RYR3: variants seen among roughly 807,000 people sequenced by gnomAD.
The protein encoded by RYR3 is ryanodine receptor 3.
Under a neutral mutation model 584.3 loss-of-function variants are expected in RYR3, and 207 were observed. The observed-to-expected ratio is 0.35, with a 90% CI of 0.32 to 0.40. The LOEUF (loss-of-function observed/expected upper bound fraction) is 0.40. Ranked by LOEUF, RYR3 falls within the 10% of genes least tolerant of loss-of-function variation. The pLI is 1.00. For synonymous variants in RYR3, 2,416 were observed against 2,248.5 expected, an observed-to-expected ratio of 1.07 and a Z score of -2.11; for missense variants, 5,616 against 6,089.2, an observed-to-expected ratio of 0.92 and a Z score of 2.59.
intron 20 of RYR3, among the ~76,000 whole-genome samples, chr15:33,627,123 G>T (rs2061032159): frequency 6.6e-6 from 1 of 152,178 alleles, no homozygotes; most frequent in South Asian, 2.1e-4. Flanking sequence ...AGGTCCTCCT[G>T]AAATGGATGG....
At chr15:33,789,655 TATA>T (rs1416629736) in intron 67 of RYR3, among the ~76,000 whole-genome samples, 5 of 26,954 alleles carry the variant, frequency 1.9e-4, no homozygotes, top group Non-Finnish European at 2.8e-4. Flanking sequence ...TATATATATA[TATA>T]TTTTTTTTTT....
chr15:33,719,400 A>G (rs1321610199), intron 43 of RYR3, among the ~76,000 whole-genome samples: 5 of 152,230 alleles, frequency 3.3e-5, no homozygotes, highest in East Asian at 3.8e-4. Flanking sequence ...CGTGATGCCA[A>G]TCACTGTGGG....
intron 67 of RYR3, among the ~76,000 whole-genome samples, chr15:33,799,959 A>G (rs924577088): frequency 6.6e-6 from 1 of 152,114 alleles, no homozygotes; most frequent in African/African-American, 2.4e-5. Flanking sequence ...TAGTTACTCT[A>G]TGTAGACATT....
chr15:33,316,839 T>C (rs183626168), intron 1 of RYR3, among the ~76,000 whole-genome samples: 344 of 152,356 alleles, frequency 2.3e-3, no homozygotes, highest in African/African-American at 7.9e-3. Context: ...GTTGCCGCCA[T>C]CTCTAACATG....
At position 33,550,151 on chromosome 15, in the gene RYR3, T is replaced by C. The variant is rs1342047513; in HGVS notation, c.816-9T>C. The stretch of plus-strand genomic sequence containing the variant: ...TAAATGCAATTTCTTGTCTGTTTCA[T>C]CTGCCCAGCTGGAGTGGCAGTAACA... On this transcript the variant is annotated splice_polypyrimidine_tract_variant and intron_variant, in intron 9 of 103. Transcript: ENST00000634891. 1 of 1,608,754 alleles carries C rather than the reference T, an allele frequency of 6.2e-7. No individual in the cohort carries two copies. Among genetic ancestry groups the C allele is most frequent in the South Asian group, 1.1e-5 (1 of 89,720 alleles).
At chr15:33,701,364 G>C (rs113033879) in intron 42 of RYR3, among the ~76,000 whole-genome samples, 2,852 of 152,240 alleles carry the variant, frequency 0.019, 81 homozygotes, top group African/African-American at 0.065. Context: ...ACCAGATGCC[G>C]GTGGTTCCTA....
chr15:33,803,280 T>C (rs924659453), intron 69 of RYR3, among the ~76,000 whole-genome samples: 2 of 152,224 alleles, frequency 1.3e-5, no homozygotes, highest in African/African-American at 4.8e-5. Flanking sequence ...GCTGCAAAGG[T>C]ATCCTTTGTG....
chr15:33,541,873 T>C (rs2055849813), intron 7 of RYR3, among the ~76,000 whole-genome samples: 1 of 152,182 alleles, frequency 6.6e-6, no homozygotes, highest in Admixed American at 6.5e-5. Context: ...CTCCTGGGTC[T>C]ATTGTCAGTC....
chr15:33,629,691 G>A (rs11853673), intron 21 of RYR3, among the ~76,000 whole-genome samples: 20,482 of 152,108 alleles, frequency 0.13, 1,789 homozygotes, highest in East Asian at 0.42. Context: ...TGCTTCTTTC[G>A]GAAAGTATGT....
At chr15:33,692,852 T>C (rs1422647916) in intron 38 of RYR3, among the ~76,000 whole-genome samples, 1 of 152,200 alleles carries the variant, frequency 6.6e-6, no homozygotes. Context: ...TGAGTCAGTG[T>C]GAGGCTAAGA....
Position 33,697,884 on chromosome 15 carries a change from A to T in RYR3, c.6137A>T (p.Asp2046Val), listed in dbSNP as rs752159940. ...ACTCTCTCTGATCCTTATCCTAGAG[A>T]CATAATGAACAACAAGGTGTTTTAC... The part of the protein sequence containing the change: ...EELLMINGLG[D>V]IMNNKVFYQH... The change falls in exon 40 of 104, where the codon GAC (aspartate) becomes GTC (valine). Residue 2046 changes from aspartate to valine, a missense_variant and splice_region_variant. By Grantham distance (152) the Asp-to-Val change is radical. Coordinates refer to ENST00000634891, the MANE Select transcript of RYR3 (RefSeq NM_001036.6). 18 of 1,595,696 alleles carry T rather than the reference A, an allele frequency of 1.1e-5. No individual in the cohort carries two copies. The South Asian group carries it at 2.0e-4, about 18-fold the overall frequency.
chr15:33,467,433 C>T, intron 1 of RYR3: 1 of 976,984 alleles, frequency 1.0e-6, no homozygotes, highest in Non-Finnish European at 1.2e-6. Flanking sequence ...CAGCCATCAG[C>T]TCAGAGCCAG....
rs781281296 is a variant in RYR3, at chr15:33,601,542, G to A, written c.1912G>A (p.Asp638Asn). ...NLLLQTRLINDVTSIRPNIFL... is the reference protein window; with the variant it reads ...NLLLQTRLINNVTSIRPNIFL... ...ACTCCTGCAGACACGACTGATTAACGATGTAACCAGGTAAGGCCACCACCA... is the reference window on the plus strand; with the variant it reads ...ACTCCTGCAGACACGACTGATTAACAATGTAACCAGGTAAGGCCACCACCA... Residue 638 changes from aspartate (D) to asparagine (N), a missense_variant, in exon 17 of 104, where the codon GAT becomes AAT. By Grantham distance (23) the Asp-to-Asn change is conservative. This residue lies in a region of RYR3 where 1,284 missense variants were observed against 1,344.6 expected (regional missense o/e 0.95). Coordinates refer to ENST00000634891, the MANE Select transcript of RYR3 (RefSeq NM_001036.6). 14 of 1,613,550 alleles carry A rather than the reference G, an allele frequency of 8.7e-6. No homozygotes were observed. Among genetic ancestry groups the A allele is most frequent in the East Asian group, 2.2e-5 (1 of 44,860 alleles).
chr15:33,569,036 G>A (rs906484836), intron 12 of RYR3, among the ~76,000 whole-genome samples: 7 of 152,118 alleles, frequency 4.6e-5, no homozygotes, highest in Non-Finnish European at 1.0e-4. Context: ...GTGTGTGTGC[G>A]TGTATGTGTG....
At chr15:33,553,652 A>C (rs982234333) in intron 10 of RYR3, among the ~76,000 whole-genome samples, 2 of 152,214 alleles carry the variant, frequency 1.3e-5, no homozygotes, top group Non-Finnish European at 2.9e-5. Context: ...CAACTTCAGC[A>C]GCTGATGCAA....
intron 102 of RYR3, among the ~76,000 whole-genome samples, chr15:33,862,511 T>A (rs1457334454): frequency 1.3e-5 from 2 of 152,142 alleles, no homozygotes; most frequent in African/African-American, 4.8e-5. Context: ...TGAGCCCTCA[T>A]CTTTCTTTAG....
Position 33,731,655 on chromosome 15 carries a change from A to G in RYR3, c.7385A>G (p.Gln2462Arg). The G allele has an allele frequency of 6.2e-7, 1 of 1,613,502 alleles. No individual in the cohort carries two copies. Among genetic ancestry groups the G allele is most frequent in the Non-Finnish European group, 8.5e-7 (1 of 1,179,468 alleles). ...AAGGGACGTTCCCTCACCAAAGCAC[A>G]AAGGGACACTATAGAAGAATGTTTG... ...LSKGRSLTKAQRDTIEECLLA... is the reference protein window; with the variant it reads ...LSKGRSLTKARRDTIEECLLA... Residue 2462 changes from glutamine (Q) to arginine (R), a missense_variant, in exon 48 of 104, where the codon CAA becomes CGA. By Grantham distance (43) the Gln-to-Arg change is conservative. This residue lies in a region of RYR3 where 1,280 missense variants were observed against 1,426.2 expected (regional missense o/e 0.90). Coordinates refer to ENST00000634891, the MANE Select transcript of RYR3 (RefSeq NM_001036.6).
Position 33,813,129 on chromosome 15 carries a change from C to G in RYR3, c.10389+135C>G, listed in dbSNP as rs538862604. ...ACAAGGACCAAGGATCATCCCAGATCACCCCCACGTGCCATCTCGATGCCC... is the reference window on the plus strand; with the variant it reads ...ACAAGGACCAAGGATCATCCCAGATGACCCCCACGTGCCATCTCGATGCCC... On this transcript the variant is annotated intron_variant, in intron 73 of 103. Coordinates refer to ENST00000634891, the MANE Select transcript of RYR3 (RefSeq NM_001036.6). 1.2e-5 allele frequency: 14 copies of G among 1,127,608 alleles called. No homozygotes were observed. In the South Asian group the frequency reaches 2.2e-4, roughly 18 times the overall value. 69.9% of individuals were successfully genotyped at this position (1,127,608 alleles called of 1,614,324 possible).
intron 1 of RYR3, among the ~76,000 whole-genome samples, chr15:33,318,408 G>A (rs1968496625): frequency 1.3e-5 from 2 of 152,196 alleles, no homozygotes; most frequent in African/African-American, 4.8e-5. Flanking sequence ...CTATTAAAAT[G>A]CTGAAATGCA....
Sources: gnomAD v4.1 joint callset for allele counts (sites outside exome capture counted in the v4.1 genomes callset) on GRCh38, gnomAD v4.1.1 for gene constraint, gnomAD v4.1.1 regional missense constraint, MANE v1.5 for transcripts, NCBI Gene and HGNC (gene_info 2026-07-23, HGNC 2026-07-21) for gene names.